CSMD2: variants seen among roughly 807,000 people sequenced by gnomAD.
The protein encoded by CSMD2 is CUB and Sushi multiple domains 2, also known as CUB and sushi domain-containing protein 2.
In CSMD2, 130 loss-of-function variants were observed where a neutral mutation model predicts 398.5. The ratio of observed to expected loss-of-function variants is 0.33; its 90% confidence interval spans 0.28 to 0.38. The LOEUF (loss-of-function observed/expected upper bound fraction) is 0.38, where lower values mean the gene tolerates loss of function less well. Among genes scored for constraint, CSMD2 ranks in the 10% least tolerant of loss-of-function variants. The pLI, the probability that CSMD2 is intolerant of heterozygous loss-of-function variation, is 1.00. For synonymous variants in CSMD2, 1,828 were observed against 1,908.5 expected, an observed-to-expected ratio of 0.96 and a Z score of 1.10; for missense variants, 3,829 against 4,764.9, an observed-to-expected ratio of 0.80 and a Z score of 5.78.
At chr1:33,619,236 G>A (rs1048417728) in intron 37 of CSMD2, among the ~76,000 whole-genome samples, 3 of 152,242 alleles carry the variant, frequency 2.0e-5, no homozygotes, top group African/African-American at 7.2e-5. Flanking sequence ...ATGGCAGACC[G>A]TATCTGGGTG....
chr1:33,571,734 A>G lies in CSMD2; in HGVS notation c.7763-8T>C. 6.9e-7 allele frequency: 1 copy of G among 1,458,018 alleles called. No individual in the cohort carries two copies. Among genetic ancestry groups the G allele is most frequent in the Non-Finnish European group, 9.2e-7 (1 of 1,089,146 alleles). The allele number at this position is 1,458,018 out of a possible 1,614,324, so 90.3% of individuals were successfully genotyped here. On this transcript the variant is annotated splice_region_variant and splice_polypyrimidine_tract_variant and intron_variant, in intron 50 of 70. Coordinates refer to ENST00000373381, the MANE Select transcript of CSMD2 (RefSeq NM_001281956.2). ...CATCAGGACAAGTCACAGCTGGGGA[A>G]ATGAGGAAAAGAAAGGAGGATTAAT...
chr1:33,705,035 C>T (rs530165012), intron 22 of CSMD2, among the ~76,000 whole-genome samples: 5 of 151,484 alleles, frequency 3.3e-5, no homozygotes, highest in African/African-American at 9.7e-5. Context: ...CAGATTTATA[C>T]TCAAAATTTT....
At chr1:33,733,124 C>T (rs1489285292) in intron 15 of CSMD2, among the ~76,000 whole-genome samples, 5 of 152,190 alleles carry the variant, frequency 3.3e-5, no homozygotes. Context: ...ATGTAGGCTG[C>T]TGCTAAGGGG....
chr1:33,777,750 T>C (rs116523230), intron 12 of CSMD2, among the ~76,000 whole-genome samples: 2,141 of 152,326 alleles, frequency 0.014, 36 homozygotes, highest in Non-Finnish European at 0.017. Flanking sequence ...CCATCATGAC[T>C]GAGCTCTGCC....
chr1:34,046,777 G>A (rs972599278), intron 2 of CSMD2, among the ~76,000 whole-genome samples: 8 of 152,122 alleles, frequency 5.3e-5, no homozygotes, highest in South Asian at 2.1e-4. Flanking sequence ...TAAACGCTAT[G>A]TACTATGCTT....
At chr1:34,080,469 CA>C (rs1368724555) in intron 2 of CSMD2, among the ~76,000 whole-genome samples, 1 of 151,898 alleles carries the variant, frequency 6.6e-6, no homozygotes, top group Non-Finnish European at 1.5e-5. Flanking sequence ...TGATCTTATA[CA>C]GAGGGAAACA....
At chr1:33,572,759 C>T (rs1659711217) in intron 49 of CSMD2, 68 bp from the exon 50 acceptor site, 2 of 1,316,944 alleles carry the variant, frequency 1.5e-6, no homozygotes, top group Admixed American at 4.5e-5. Context: ...TATTTTTATC[C>T]TTCCTCCCCT....
intron 15 of CSMD2, among the ~76,000 whole-genome samples, chr1:33,732,859 C>G (rs970874923): frequency 1.3e-5 from 2 of 152,208 alleles, no homozygotes; most frequent in African/African-American, 4.8e-5. Context: ...AGGCTCTGAC[C>G]TTCATGTATG....
intron 5 of CSMD2, among the ~76,000 whole-genome samples, chr1:33,910,694 T>A (rs1293242557): frequency 2.0e-5 from 3 of 152,170 alleles, no homozygotes; most frequent in Non-Finnish European, 2.9e-5. Context: ...TCTGCTGGGA[T>A]TGCCAAGAGA....
At chr1:33,757,116 G>A (rs1041737856) in intron 13 of CSMD2, among the ~76,000 whole-genome samples, 3 of 151,384 alleles carry the variant, frequency 2.0e-5, no homozygotes, top group African/African-American at 7.3e-5. Flanking sequence ...ATGAGAACAC[G>A]TGGACACAGG....
intron 10 of CSMD2, among the ~76,000 whole-genome samples, chr1:33,806,691 T>G (rs1294853941): frequency 6.6e-6 from 1 of 152,188 alleles, no homozygotes. Flanking sequence ...CAAGAGTTTA[T>G]AAAATATGAC....
chr1:33,569,327 T>C, intron 52 of CSMD2, 47 bp downstream of exon 52: 5 of 1,566,594 alleles, frequency 3.2e-6, no homozygotes, highest in Non-Finnish European at 4.3e-6. Context: ...ATCTAATCTA[T>C]CTCAAGGAGA....
chr1:33,576,483 C>G (rs958487176), intron 49 of CSMD2, among the ~76,000 whole-genome samples: 1 of 152,024 alleles, frequency 6.6e-6, no homozygotes, highest in African/African-American at 2.4e-5. Flanking sequence ...CCCAGCTACT[C>G]GGGAGGCTGA....
chr1:33,720,340 T>C (rs983138835), intron 19 of CSMD2, among the ~76,000 whole-genome samples: 1 of 152,138 alleles, frequency 6.6e-6, no homozygotes, highest in African/African-American at 2.4e-5. Context: ...GAGTAAAGTC[T>C]GAAATCATGG....
chr1:33,651,215 G>C (rs1207976491), intron 28 of CSMD2, among the ~76,000 whole-genome samples: 1 of 152,166 alleles, frequency 6.6e-6, no homozygotes, highest in Non-Finnish European at 1.5e-5. Flanking sequence ...CTTAAACCAG[G>C]ACAGGAGCTA....
At chr1:33,883,431 G>A (rs1379260467) in intron 5 of CSMD2, among the ~76,000 whole-genome samples, 1 of 152,018 alleles carries the variant, frequency 6.6e-6, no homozygotes, top group East Asian at 1.9e-4. Flanking sequence ...AGGGCAAATT[G>A]TGGATGGTTG....
intron 29 of CSMD2, among the ~76,000 whole-genome samples, chr1:33,642,919 G>T (rs557101763): frequency 6.6e-6 from 1 of 152,286 alleles, no homozygotes; most frequent in East Asian, 1.9e-4. Flanking sequence ...TCTGCCTTGG[G>T]TCAGGGGAAG....
chr1:34,165,596 AC>A (rs1372230539), upstream of CSMD2: 207 of 691,360 alleles, frequency 3.0e-4, 1 homozygote, highest in East Asian at 2.7e-3. Context: ...ACACACACAC[AC>A]AAACACACAC....
At chr1:33,901,913 T>C (rs2125237998) in intron 5 of CSMD2, among the ~76,000 whole-genome samples, 1 of 152,290 alleles carries the variant, frequency 6.6e-6, no homozygotes, top group East Asian at 1.9e-4. Context: ...ACAAATCATT[T>C]CATAATGGGC....
Sources: allele counts gnomAD v4.1 joint callset (sites outside exome capture counted in the v4.1 genomes callset), GRCh38; gene constraint gnomAD v4.1.1; transcripts MANE v1.5; gene names NCBI Gene and HGNC (gene_info 2026-07-23, HGNC 2026-07-21).